LRBA: variants seen among roughly 807,000 people sequenced by gnomAD.
LRBA encodes lipopolysaccharide-responsive and beige-like anchor protein.
LRBA carries 176 observed loss-of-function variants against 330.0 expected under a neutral mutation model. The ratio of observed to expected loss-of-function variants is 0.53; its 90% CI spans 0.47 to 0.60. The LOEUF is 0.60. Ranked by LOEUF, LRBA falls within the 20% of genes least tolerant of loss-of-function variation. The probability of loss-of-function intolerance (pLI) is 0.00; values close to 1 mark genes in which losing one functional copy is unlikely to be tolerated. For missense variants in LRBA, 3,259 were observed against 3,444.8 expected (o/e 0.95, Z 1.35); for synonymous variants, 1,230 against 1,193.0 (o/e 1.03, Z -0.64).
rs1481209492 is a variant in LRBA, at chr4:150,600,506, T to C, written c.5922-1375A>G. On this transcript the variant is annotated intron_variant, in intron 37 of 56. Transcript: ENST00000651943. ...AACAGTACGTTATTTAAAGAAAATCTTTTTAAAACAGTAGAGACTGATCTC... is the reference window on the plus strand; with the variant it reads ...AACAGTACGTTATTTAAAGAAAATCCTTTTAAAACAGTAGAGACTGATCTC... Among the ~76,000 whole-genome samples, 3 of 152,272 alleles carry C rather than the reference T, an allele frequency of 2.0e-5. No homozygotes were observed. In the East Asian group the frequency reaches 5.8e-4, roughly 29 times the overall value.
chr4:151,015,266 A>ACCTTT lies in LRBA; in HGVS notation c.-285_-284insAAAGG. On this transcript the variant is annotated 5_prime_UTR_variant, in exon 1 of 57. Transcript: ENST00000651943. ...CAGCGAGACCGAGGTGGCGGCGGAG[A>ACCTTT]TCCAGGGCAGGAAAAGGCGGGGGAA... is the stretch of plus-strand genomic sequence containing the variant. The ACCTTT allele has an allele frequency of 6.5e-6, 1 of 152,956 alleles. No homozygotes were observed. The highest frequency in any genetic ancestry group is 1.5e-5 in the Non-Finnish European group (1 of 68,732). 9.5% of individuals were successfully genotyped at this position (152,956 alleles called of 1,614,324 possible).
At chr4:150,462,612 T>G (rs1334580454) in intron 44 of LRBA, among the ~76,000 whole-genome samples, 1 of 151,808 alleles carries the variant, frequency 6.6e-6, no homozygotes, top group Non-Finnish European at 1.5e-5. Context: ...TGGAAGAGAT[T>G]ACCAAATAAA....
At chr4:150,652,993 T>C (rs1248606000) in intron 37 of LRBA, among the ~76,000 whole-genome samples, 1 of 152,192 alleles carries the variant, frequency 6.6e-6, no homozygotes, top group Non-Finnish European at 1.5e-5. Flanking sequence ...TATCAATTTT[T>C]TTTTGCTATT....
intron 31 of LRBA, among the ~76,000 whole-genome samples, chr4:150,816,221 A>G (rs1243578613): frequency 6.6e-6 from 1 of 151,978 alleles, no homozygotes; most frequent in Non-Finnish European, 1.5e-5. Context: ...TGATCTCAAT[A>G]TAATCCACCA....
At chr4:150,550,847 G>T (rs936580426) in intron 40 of LRBA, among the ~76,000 whole-genome samples, 2 of 152,048 alleles carry the variant, frequency 1.3e-5, no homozygotes, top group Non-Finnish European at 2.9e-5. Context: ...ATTATATCAG[G>T]GCTTCCTCAT....
chr4:150,380,172 T>C lies in LRBA; in HGVS notation c.7195-30013A>G, dbSNP rs535595603. Among the ~76,000 whole-genome samples, 78 of 147,550 alleles carry C rather than the reference T, an allele frequency of 5.3e-4. 1 individual carries two copies. The highest frequency in any genetic ancestry group is 1.9e-3 in the African/African-American group (76 of 40,518). ...CCAGCCTGGGCAACAAGAGTGAAAC[T>C]CTGTCTCAAAAAAACAAAACAAAAC... is the stretch of plus-strand genomic sequence containing the variant. On this transcript the variant is annotated intron_variant, in intron 47 of 56. Coordinates refer to ENST00000651943, the MANE Select transcript of LRBA (RefSeq NM_001364905.1).
intron 47 of LRBA, among the ~76,000 whole-genome samples, chr4:150,414,190 C>A (rs1006840523): frequency 2.0e-5 from 3 of 152,096 alleles, no homozygotes; most frequent in Non-Finnish European, 4.4e-5. Flanking sequence ...CTGCTAAGGT[C>A]CCACAATCAG....
chr4:150,978,898 AGCC>A (rs1740522102), intron 2 of LRBA, among the ~76,000 whole-genome samples: 1 of 152,208 alleles, frequency 6.6e-6, no homozygotes, highest in South Asian at 2.1e-4. Flanking sequence ...TCTAGAAAAC[AGCC>A]TCAAAAGGAC....
At chr4:150,324,574 AAAGACACAG>A (rs1732988201) in intron 49 of LRBA, among the ~76,000 whole-genome samples, 1 of 152,008 alleles carries the variant, frequency 6.6e-6, no homozygotes. Flanking sequence ...AGAGGGAAAA[AAAGACACAG>A]AAGGTGATGT....
chr4:150,339,311 A>G (rs1735172181), intron 48 of LRBA, among the ~76,000 whole-genome samples: 1 of 152,192 alleles, frequency 6.6e-6, no homozygotes. Flanking sequence ...TCAAAGTTAC[A>G]CGAAGATCAT....
At chr4:150,499,143 T>A (rs1759931667) in intron 40 of LRBA, among the ~76,000 whole-genome samples, 1 of 152,318 alleles carries the variant, frequency 6.6e-6, no homozygotes, top group South Asian at 2.1e-4. Context: ...CTCAAAATAA[T>A]TTTTGCACCT....
intron 14 of LRBA, among the ~76,000 whole-genome samples, chr4:150,899,105 A>G (rs1730440120): frequency 6.6e-6 from 1 of 152,178 alleles, no homozygotes; most frequent in Non-Finnish European, 1.5e-5. Context: ...CTTTCAGACA[A>G]TGTCTTTCAA....
intron 37 of LRBA, among the ~76,000 whole-genome samples, chr4:150,611,962 G>T (rs1775315174): frequency 6.6e-6 from 1 of 152,058 alleles, no homozygotes; most frequent in South Asian, 2.1e-4. Flanking sequence ...GAGTGCAGTG[G>T]CACAATCACG....
chr4:150,456,626 G>A (rs908152899), intron 44 of LRBA, among the ~76,000 whole-genome samples: 1 of 152,030 alleles, frequency 6.6e-6, no homozygotes, highest in Non-Finnish European at 1.5e-5. Flanking sequence ...TCTGTGGCTT[G>A]TCTCTTCAGT....
intron 44 of LRBA, among the ~76,000 whole-genome samples, chr4:150,449,877 A>G (rs1427528333): frequency 1.3e-5 from 2 of 152,186 alleles, no homozygotes; most frequent in Non-Finnish European, 2.9e-5. Flanking sequence ...ACATAAAGGG[A>G]GACAAAGTAC....
At chr4:150,648,170 A>AAAAAAAAAAAAAAAAAAAAAAAAC in intron 37 of LRBA, among the ~76,000 whole-genome samples, 2 of 144,188 alleles carry the variant, frequency 1.4e-5, no homozygotes, top group Admixed American at 7.1e-5. Context: ...AAAAAAAAAA[A>AAAAAAAAAAAAAAAAAAAAAAAAC]AAAAAAACTA....
At chr4:150,331,715 A>G (rs1734027453) in intron 48 of LRBA, among the ~76,000 whole-genome samples, 1 of 152,140 alleles carries the variant, frequency 6.6e-6, no homozygotes, top group Non-Finnish European at 1.5e-5. Context: ...TATTTCTTCT[A>G]AGGGGCTGAA....
At chr4:150,630,578 A>G (rs1164558312) in intron 37 of LRBA, among the ~76,000 whole-genome samples, 1 of 152,200 alleles carries the variant, frequency 6.6e-6, no homozygotes, top group Non-Finnish European at 1.5e-5. Flanking sequence ...AGGTTTACAG[A>G]TTACACTGTT....
At chr4:150,479,171 C>T (rs62344695) in intron 42 of LRBA, among the ~76,000 whole-genome samples, 59,506 of 151,536 alleles carry the variant, frequency 0.39, 12,229 homozygotes, top group Non-Finnish European at 0.47. Context: ...TCCCAGCTAC[C>T]GGGAAGCTGA....
Sources: gnomAD v4.1 joint callset for allele counts (sites outside exome capture counted in the v4.1 genomes callset) on GRCh38, gnomAD v4.1.1 for gene constraint, MANE v1.5 for transcripts, NCBI Gene and HGNC (gene_info 2026-07-23, HGNC 2026-07-21) for gene names.